The following TOP3B variants were observed in gnomAD, a reference collection of about 807,000 sequenced individuals.
TOP3B encodes the protein DNA topoisomerase 3-beta-1.
Under a neutral mutation model 93.9 loss-of-function variants are expected in TOP3B, and 45 were observed. The ratio of observed to expected loss-of-function variants is 0.48; its 90% CI spans 0.38 to 0.61. The LOEUF is 0.61. Ranked by LOEUF, TOP3B falls within the 20% of genes least tolerant of loss-of-function variation. The pLI, the probability that TOP3B is intolerant of heterozygous loss-of-function variation, is 0.00. For synonymous variants in TOP3B, 357 were observed against 472.6 expected (o/e 0.76, Z 3.17); for missense variants, 750 against 1,156.1 (o/e 0.65, Z 5.09).
chr22:21,970,920 A>T lies in TOP3B; in HGVS notation c.385-514T>A. ...GAGCAGGAAGGCCACGGGTGGTCCT[A>T]GCTTGTGGTGGGGGCAGCTCGGGCT... On this transcript the variant is annotated intron_variant, in intron 5 of 17. Coordinates refer to ENST00000357179, the MANE Select transcript of TOP3B (RefSeq NM_001282112.2). The surrounding 1 kb of genome is among the most constrained non-coding windows in gnomAD (Gnocchi z 4.4). 1 of 1,012,432 alleles carries T rather than the reference A, an allele frequency of 9.9e-7. No individual in the cohort carries two copies. The highest frequency in any genetic ancestry group is 1.2e-6 in the Non-Finnish European group (1 of 804,038). 62.7% of individuals were successfully genotyped at this position (1,012,432 alleles called of 1,614,324 possible). A position where few individuals can be genotyped will look rare whatever the true frequency, so the allele number is the denominator to read the frequency against.
Position 21,963,975 on chromosome 22 carries a change from G to A in TOP3B, c.1152C>T (p.Ala384=), listed in dbSNP as rs746307446. 74 of 1,612,868 alleles carry A rather than the reference G, an allele frequency of 4.6e-5. 1 individual carries two copies. In the South Asian group the frequency reaches 5.6e-4, roughly 12 times the overall value. Residue 384 remains alanine (A), a synonymous_variant, in exon 11 of 18, where the codon GCC becomes GCT. Coordinates refer to ENST00000357179, the MANE Select transcript of TOP3B (RefSeq NM_001282112.2). This position sits in a 1 kb window ranked among gnomAD's most constrained non-coding sequence, Gnocchi z 4.8. The part of the protein sequence containing the change: ...GINRPRKGHD[A]GDHPPITPMK... The stretch of plus-strand genomic sequence containing the variant: ...TGGGGGTGATGGGGGGATGGTCGCC[G>A]GCGTCATGGCCTTTCCGCGGGCGGT...
chr22:21,959,246 G>A lies in TOP3B; in HGVS notation c.1805-14C>T. The A allele has an allele frequency of 1.2e-6, 2 of 1,610,922 alleles. No homozygotes were observed. Among genetic ancestry groups the A allele is most frequent in the Non-Finnish European group, 8.5e-7 (1 of 1,179,814 alleles). ...ACTCATCCATGCCTGCGGGCAAGCA[G>A]AGTGCAGGAGTCATCTCCCTCCCAG... is the stretch of plus-strand genomic sequence containing the variant. On this transcript the variant is annotated splice_polypyrimidine_tract_variant and intron_variant, in intron 15 of 17. Transcript: ENST00000357179.
At position 21,962,868 on chromosome 22, in the gene TOP3B, C is replaced by T. The variant is rs373684989; in HGVS notation, c.1230G>A (p.Glu410=). 1.5e-4 allele frequency: 249 copies of T among 1,613,664 alleles called. No homozygotes were observed. The highest frequency in any genetic ancestry group is 2.0e-4 in the Non-Finnish European group (234 of 1,179,956). Residue 410 remains glutamate (E), a synonymous_variant, in exon 12 of 18, where the codon GAG becomes GAA. Transcript: ENST00000357179. ...TGGCGATGAAGTGTCTGGTGATGTA[C>T]TCATAGAGCCGCCACGCGTCACCCC... ...ELGGDAWRLY[E]YITRHFIATV... is the part of the protein sequence containing the mutation.
chr22:21,968,393 C>T, intron 7 of TOP3B: 1 of 550,298 alleles, frequency 1.8e-6, no homozygotes. Context: ...CAGAGCTGAA[C>T]TCATTCCCAC....
At chr22:21,980,931 T>C (rs1409013037) in intron 1 of TOP3B, among the ~76,000 whole-genome samples, 1 of 152,244 alleles carries the variant, frequency 6.6e-6, no homozygotes, top group Admixed American at 6.5e-5. Context: ...TGATTATGAC[T>C]GGCCTCTGCT....
Position 21,970,122 on chromosome 22 carries a change from AG to A in TOP3B, c.581+87del. On this transcript the variant is annotated intron_variant, in intron 6 of 17. Coordinates refer to ENST00000357179, the MANE Select transcript of TOP3B (RefSeq NM_001282112.2). This position sits in a 1 kb window ranked among gnomAD's most constrained non-coding sequence, Gnocchi z 4.4. ...TGCTCATCCTGGCTCGAGGAGGCCT[AG>A]GGGCCCCGGAGGGGGACCAGTAGAG... is the stretch of plus-strand genomic sequence containing the variant. 6.6e-7 allele frequency: 1 copy of A among 1,504,342 alleles called. No homozygotes were observed. Among genetic ancestry groups the A allele is most frequent in the Non-Finnish European group, 9.0e-7 (1 of 1,114,106 alleles). The allele number at this position is 1,504,342 out of a possible 1,614,324, so 93.2% of individuals were successfully genotyped here. A position where few individuals can be genotyped will look rare whatever the true frequency, so the allele number is the denominator to read the frequency against.
At chr22:21,972,292 C>G in intron 4 of TOP3B, 1 of 456,076 alleles carries the variant, frequency 2.2e-6, no homozygotes, top group Non-Finnish European at 3.9e-6. Flanking sequence ...TTCTGTCTTT[C>G]TACTTATCTG....
chr22:21,970,009 ATCC>A lies in TOP3B; in HGVS notation c.581+198_581+200del. 5.7e-6 allele frequency: 3 copies of A among 524,030 alleles called. No homozygotes were observed. The allele number at this position is 524,030 out of a possible 1,614,324, so 32.5% of individuals were successfully genotyped here. A position where few individuals can be genotyped will look rare whatever the true frequency, so the allele number is the denominator to read the frequency against. On this transcript the variant is annotated intron_variant, in intron 6 of 17. Transcript: ENST00000357179. This position sits in a 1 kb window ranked among gnomAD's most constrained non-coding sequence, Gnocchi z 4.4. ...GGTCTCAAACTGCCAACCTCAAGCAATCCTCCTATCCTGGTCTCCCAAAGTGCA... is the reference window on the plus strand; with the variant it reads ...GGTCTCAAACTGCCAACCTCAAGCAATCCTATCCTGGTCTCCCAAAGTGCA...
intron 17 of TOP3B, chr22:21,957,955 G>A: frequency 3.6e-6 from 5 of 1,397,620 alleles, no homozygotes; most frequent in Non-Finnish European, 3.8e-6. Context: ...GCAGCAGGAG[G>A]GCAGGGATGG....
At chr22:21,965,068 A>G in intron 9 of TOP3B, 1 of 398,744 alleles carries the variant, frequency 2.5e-6, no homozygotes, top group Non-Finnish European at 4.4e-6. Flanking sequence ...CTCTCCCCTC[A>G]CCAGGGATAG....
In TOP3B at chr22:21,964,230, G is replaced by A; in HGVS notation, c.1029C>T (p.His343=). 6.2e-7 allele frequency: 1 copy of A among 1,614,220 alleles called. No individual in the cohort carries two copies. Among genetic ancestry groups the A allele is most frequent in the Non-Finnish European group, 8.5e-7 (1 of 1,180,036 alleles). Reference sequence around the variant, plus strand: ...CCTTCAGGTCAAAGTTCTCAGGGTAGTGGGTGGTCTCTGTCCGTGGGTAGC... The same window carrying A: ...CCTTCAGGTCAAAGTTCTCAGGGTAATGGGTGGTCTCTGTCCGTGGGTAGC... ...YISYPRTETT[H]YPENFDLKGS... The change falls in exon 10 of 18, where the codon CAC becomes CAT. Residue 343 remains histidine, a synonymous_variant. Coordinates refer to ENST00000357179, the MANE Select transcript of TOP3B (RefSeq NM_001282112.2).
chr22:21,973,455 T>TG (rs1042757735), intron 3 of TOP3B: 4 of 151,428 alleles, frequency 2.6e-5, no homozygotes, highest in African/African-American at 9.7e-5. Flanking sequence ...ATTTTGTTTT[T>TG]TTTTTTTTTT....
chr22:21,968,428 C>T, intron 7 of TOP3B, 191 bp downstream of exon 7: 2 of 632,826 alleles, frequency 3.2e-6, no homozygotes, highest in East Asian at 2.8e-5. Flanking sequence ...CATATACAGG[C>T]CCAGTCTCTT....
Position 21,961,974 on chromosome 22 carries a change from C to T in TOP3B, c.1525+455G>A. ...TTTTTGCGTGGAAACTTCCTGGTCA[C>T]CCTTTGGGGAGCCCTGTGCCTGGGA... On this transcript the variant is annotated intron_variant, in intron 13 of 17. Transcript: ENST00000357179. 4 of 534,700 alleles carry T rather than the reference C, an allele frequency of 7.5e-6. No individual in the cohort carries two copies. The South Asian group carries it at 9.0e-5, about 12-fold the overall frequency. 33.1% of individuals were successfully genotyped at this position (534,700 alleles called of 1,614,324 possible).
At chr22:21,981,276 A>G (rs1326468694) in intron 1 of TOP3B, among the ~76,000 whole-genome samples, 2 of 152,162 alleles carry the variant, frequency 1.3e-5, no homozygotes, top group Non-Finnish European at 2.9e-5. Context: ...ATTGGCCTAG[A>G]CTGGGACTGT....
At chr22:21,958,773 A>G (rs895549365) in intron 16 of TOP3B, 80 bp from the exon 17 acceptor site, 5 of 1,472,096 alleles carry the variant, frequency 3.4e-6, no homozygotes, top group Admixed American at 4.6e-5. Flanking sequence ...CTCATAATAC[A>G]AAGTATGTAA....
At chr22:21,979,851 G>A (rs577865659) in intron 1 of TOP3B, among the ~76,000 whole-genome samples, 1 of 147,224 alleles carries the variant, frequency 6.8e-6, no homozygotes, top group Non-Finnish European at 1.5e-5. Flanking sequence ...TGAGGCAGGA[G>A]AATGGTGTGA....
At chr22:21,964,393 C>T in intron 9 of TOP3B, 78 bp from the exon 10 acceptor site, 2 of 1,563,160 alleles carry the variant, frequency 1.3e-6, no homozygotes, top group Non-Finnish European at 1.7e-6. Flanking sequence ...TGCACTCAGG[C>T]TCCCCCATTG....
Position 21,962,504 on chromosome 22 carries a change from G to GCATCTTCA in TOP3B, c.1442_1449dup (p.Leu484Ter). 1.2e-6 allele frequency: 2 copies of GCATCTTCA among 1,613,770 alleles called. No individual in the cohort carries two copies. Among genetic ancestry groups the GCATCTTCA allele is most frequent in the Non-Finnish European group, 1.7e-6 (2 of 1,180,034 alleles). ...TCGGGTGGGTTCGTCTGCTTCTCCA[G>GCATCTTCA]CATCTTCACCTCGCCCACAGGGAAG... On this transcript the variant is annotated stop_gained and frameshift_variant, in exon 13 of 18. Coordinates refer to ENST00000357179, the MANE Select transcript of TOP3B (RefSeq NM_001282112.2). LOFTEE classifies it high-confidence loss of function.
Sources: gnomAD v4.1 joint callset for allele counts (sites outside exome capture counted in the v4.1 genomes callset) on GRCh38, gnomAD v4.1.1 for gene constraint, Gnocchi (gnomAD v3.1) non-coding constraint, MANE v1.5 for transcripts, NCBI Gene and HGNC (gene_info 2026-07-23, HGNC 2026-07-21) for gene names.